CSMD3: variants seen among roughly 807,000 people sequenced by gnomAD.
CSMD3 encodes the protein CUB and sushi domain-containing protein 3.
Under a neutral mutation model 435.2 loss-of-function variants are expected in CSMD3, and 177 were observed. The observed-to-expected ratio is 0.41, with a 90% CI of 0.36 to 0.46. The LOEUF (loss-of-function observed/expected upper bound fraction) is 0.46. Ranked by LOEUF, CSMD3 falls within the 20% of genes least tolerant of loss-of-function variation. The pLI is 0.34. For missense variants in CSMD3, 4,265 were observed against 4,504.6 expected (o/e 0.95, Z 1.52); for synonymous variants, 1,656 against 1,520.5 (o/e 1.09, Z -2.07).
In CSMD3 at chr8:112,550,794, G is replaced by A. The variant is rs563294987; in HGVS notation, c.4441C>T (p.Leu1481Phe). 9 of 1,609,512 alleles carry A rather than the reference G, an allele frequency of 5.6e-6. No homozygotes were observed. In the South Asian group the frequency reaches 7.7e-5, roughly 14 times the overall value. The change falls in exon 27 of 71, where the codon CTT (leucine) becomes TTT (phenylalanine). Residue 1481 changes from leucine to phenylalanine, a missense_variant. Coordinates refer to ENST00000297405, the MANE Select transcript of CSMD3 (RefSeq NM_198123.2). ...VWDGPPENDM[L>F]LKEISGSLIP... ...AGAGATCCACTAATTTCCTTTAAAA[G>A]CATATCATTTTCTGGTGGACCGTCC...
chr8:113,185,157 T>C (rs928713767), intron 3 of CSMD3, among the ~76,000 whole-genome samples: 8 of 152,056 alleles, frequency 5.3e-5, no homozygotes, highest in African/African-American at 1.9e-4. Context: ...TGCCAGATTG[T>C]AAAGGCACAA....
intron 5 of CSMD3, among the ~76,000 whole-genome samples, chr8:113,071,651 C>T (rs956004255): frequency 2.6e-5 from 4 of 151,756 alleles, no homozygotes; most frequent in African/African-American, 9.7e-5. Flanking sequence ...TCTTGTCTAT[C>T]TATTCTGTTC....
At chr8:112,970,395 CA>C (rs11284034) in intron 7 of CSMD3, among the ~76,000 whole-genome samples, 35,845 of 82,260 alleles carry the variant, frequency 0.44, 3,503 homozygotes, top group East Asian at 0.61. Flanking sequence ...GACTCCCTCT[CA>C]AAAAAAAAAA....
chr8:112,979,923 TA>T (rs1564173560), intron 6 of CSMD3, among the ~76,000 whole-genome samples: 1 of 150,948 alleles, frequency 6.6e-6, no homozygotes, highest in Non-Finnish European at 1.5e-5. Context: ...AAAAATGAAA[TA>T]AAAATGATTT....
chr8:112,320,046 AAAC>A, intron 45 of CSMD3, 65 bp from the exon 46 acceptor site: 1 of 1,019,236 alleles, frequency 9.8e-7, no homozygotes, highest in South Asian at 1.4e-5. Flanking sequence ...ATATGCAAAA[AAAC>A]AAGAAAATTA....
chr8:113,372,846 A>C (rs1288614185), intron 1 of CSMD3, among the ~76,000 whole-genome samples: 1 of 151,474 alleles, frequency 6.6e-6, no homozygotes, highest in Non-Finnish European at 1.5e-5. Context: ...AGGCAGGAGA[A>C]CGGCGTGAAC....
intron 10 of CSMD3, among the ~76,000 whole-genome samples, chr8:112,885,109 G>A (rs1044241800): frequency 1.3e-4 from 20 of 151,568 alleles, no homozygotes; most frequent in African/African-American, 4.8e-4. Flanking sequence ...GGTATACTGT[G>A]AGCCTCTTGA....
In CSMD3 at chr8:113,326,942, C is replaced by T. The variant is rs566073282; in HGVS notation, c.179-12149G>A. On this transcript the variant is annotated intron_variant, in intron 1 of 70. Coordinates refer to ENST00000297405, the MANE Select transcript of CSMD3 (RefSeq NM_198123.2). ...CATTAACGGTAGAAATACAAATTAA[C>T]TCAGAAAGTAAAAATTATTTCTTTA... Among the ~76,000 whole-genome samples, 31 of 152,146 alleles carry T rather than the reference C, an allele frequency of 2.0e-4. No homozygotes were observed. In the South Asian group the frequency reaches 5.0e-3, roughly 24 times the overall value.
intron 10 of CSMD3, among the ~76,000 whole-genome samples, chr8:112,903,525 C>T (rs998482119): frequency 6.6e-6 from 1 of 151,032 alleles, no homozygotes; most frequent in Non-Finnish European, 1.5e-5. Flanking sequence ...ATAGAGGTTA[C>T]CATAAGACCT....
chr8:112,232,873 C>T (rs1813226880), intron 68 of CSMD3, among the ~76,000 whole-genome samples: 1 of 152,112 alleles, frequency 6.6e-6, no homozygotes, highest in African/African-American at 2.4e-5. Context: ...AGTGCCCTTT[C>T]AGACTCTGCC....
Position 112,255,708 on chromosome 8 carries a change from G to A in CSMD3, c.9863-281C>T, listed in dbSNP as rs139776244. The A allele has an allele frequency of 5.8e-4, 236 of 404,594 alleles. 1 individual carries two copies. The highest frequency in any genetic ancestry group is 4.6e-3 in the African/African-American group (226 of 48,798). The allele number at this position is 404,594 out of a possible 1,614,324, so 25.1% of individuals were successfully genotyped here. A position where few individuals can be genotyped will look rare whatever the true frequency, so the allele number is the denominator to read the frequency against. On this transcript the variant is annotated intron_variant, in intron 61 of 70. Transcript: ENST00000297405. Reference sequence around the variant, plus strand: ...TTTTGTACTTTTGTCGTTTTGTATTGACCAAAATCAAACCACATATTTGGA... The same window carrying A: ...TTTTGTACTTTTGTCGTTTTGTATTAACCAAAATCAAACCACATATTTGGA...
chr8:112,741,799 A>AGAT (rs1158271929), intron 13 of CSMD3, among the ~76,000 whole-genome samples: 2 of 61,722 alleles, frequency 3.2e-5, no homozygotes, highest in Non-Finnish European at 1.1e-4. Flanking sequence ...GAGAGAAGAT[A>AGAT]GATAGATAGA....
chr8:112,572,849 C>T (rs1829644143), intron 24 of CSMD3, among the ~76,000 whole-genome samples: 1 of 152,030 alleles, frequency 6.6e-6, no homozygotes, highest in African/African-American at 2.4e-5. Context: ...ATTGGTGTAA[C>T]TAGTCTGTTT....
chr8:112,781,465 C>T (rs1297072823), intron 13 of CSMD3, among the ~76,000 whole-genome samples: 1 of 152,104 alleles, frequency 6.6e-6, no homozygotes, highest in Admixed American at 6.6e-5. Context: ...AGCTCACAGA[C>T]AACATTTCTA....
intron 5 of CSMD3, among the ~76,000 whole-genome samples, chr8:113,063,580 T>C (rs951287997): frequency 6.6e-5 from 10 of 151,972 alleles, no homozygotes; most frequent in African/African-American, 2.4e-4. Context: ...AAGCACACTG[T>C]TCAGGGATAC....
intron 3 of CSMD3, among the ~76,000 whole-genome samples, chr8:113,268,136 A>T (rs943724206): frequency 6.6e-6 from 1 of 151,820 alleles, no homozygotes; most frequent in Non-Finnish European, 1.5e-5. Context: ...AGAAAAGTTT[A>T]AAAGGATTCT....
chr8:112,439,525 A>G (rs1814748335), intron 32 of CSMD3, among the ~76,000 whole-genome samples: 1 of 152,172 alleles, frequency 6.6e-6, no homozygotes, highest in African/African-American at 2.4e-5. Context: ...ATATATTTAT[A>G]TATACCTTTG....
chr8:113,181,248 G>C (rs1352408623), intron 3 of CSMD3, among the ~76,000 whole-genome samples: 4 of 151,942 alleles, frequency 2.6e-5, no homozygotes, highest in Non-Finnish European at 4.4e-5. Flanking sequence ...AAAATATTTA[G>C]ATAAGTCTCA....
At chr8:112,587,776 CT>C (rs934099820) in intron 22 of CSMD3, among the ~76,000 whole-genome samples, 3 of 151,730 alleles carry the variant, frequency 2.0e-5, no homozygotes, top group South Asian at 2.1e-4. Context: ...TTAAACCCCC[CT>C]GGTAATAACA....
Sources: gnomAD v4.1 joint callset for allele counts (sites outside exome capture counted in the v4.1 genomes callset) on GRCh38, gnomAD v4.1.1 for gene constraint, MANE v1.5 for transcripts, NCBI Gene and HGNC (gene_info 2026-07-23, HGNC 2026-07-21) for gene names.